SPRING1: variants seen among roughly 807,000 people sequenced by gnomAD.
SPRING1 encodes the protein SREBF pathway regulator in golgi 1, also known as SREBP regulating gene protein.
In SPRING1, 14 loss-of-function variants were observed where a neutral mutation model predicts 24.7. The observed-to-expected ratio is 0.57, with a 90% confidence interval of 0.37 to 0.88. The LOEUF (loss-of-function observed/expected upper bound fraction) is 0.88, where lower values mean the gene tolerates loss of function less well. Among genes scored for constraint, SPRING1 ranks in the 40% least tolerant of loss-of-function variants. The probability of loss-of-function intolerance (pLI) is 0.00; values close to 1 mark genes in which losing one functional copy is unlikely to be tolerated. For synonymous variants in SPRING1, 93 were observed against 106.1 expected (o/e 0.88, Z 0.76); for missense variants, 255 against 268.4 (o/e 0.95, Z 0.35).
chr12:116,733,873 C>T (rs1871111325), intron 1 of SPRING1, among the ~76,000 whole-genome samples: 1 of 151,924 alleles, frequency 6.6e-6, no homozygotes, highest in Non-Finnish European at 1.5e-5. Flanking sequence ...ATGGGCGTAC[C>T]ATTTTTACTC....
rs1253537359 is a variant in SPRING1 at position 116,715,509 on chromosome 12, A to G, written c.*2301T>C. 1 of 152,152 alleles carries G rather than the reference A, an allele frequency of 6.6e-6. No homozygotes were observed. The highest frequency in any genetic ancestry group is 2.4e-5 in the African/African-American group (1 of 41,436). 9.4% of individuals were successfully genotyped at this position (152,152 alleles called of 1,614,324 possible). A position where few individuals can be genotyped will look rare whatever the true frequency, so the allele number is the denominator to read the frequency against. On this transcript the variant is annotated 3_prime_UTR_variant, in exon 5 of 5. Coordinates refer to ENST00000261318, the MANE Select transcript of SPRING1 (RefSeq NM_024738.4). The stretch of plus-strand genomic sequence containing the variant: ...GTGAATTTCCAAAAACAGTGAACAC[A>G]CCCCTAGCTGATTGAAATACAAAAA...
chr12:116,728,557 G>A lies in SPRING1; in HGVS notation c.112-5334C>T, dbSNP rs1054790919. Among the ~76,000 whole-genome samples, 9 of 152,230 alleles carry A rather than the reference G, an allele frequency of 5.9e-5. No individual in the cohort carries two copies. The highest frequency in any genetic ancestry group is 2.2e-4 in the African/African-American group (9 of 41,456). On this transcript the variant is annotated intron_variant, in intron 1 of 4. Transcript: ENST00000261318. The surrounding 1 kb of genome is among the most constrained non-coding windows in gnomAD (Gnocchi z 4.2). ...TAATTAACATGAAAACCAAAGAAAA[G>A]AGGAATTCAAAGCAGCAGAGAGGAT...
At chr12:116,719,970 A>C in intron 3 of SPRING1, 94 bp from the exon 4 acceptor site, 1 of 1,098,706 alleles carries the variant, frequency 9.1e-7, no homozygotes, top group Non-Finnish European at 1.4e-6. Flanking sequence ...ATGCTGATAC[A>C]GGGAAGGGGG....
intron 1 of SPRING1, among the ~76,000 whole-genome samples, chr12:116,727,857 T>C (rs1380703427): frequency 6.6e-6 from 1 of 152,150 alleles, no homozygotes; most frequent in Admixed American, 6.5e-5. Context: ...CCCTGTGCAA[T>C]ACGAGACAAA....
chr12:116,732,584 G>A (rs763657307), intron 1 of SPRING1, among the ~76,000 whole-genome samples: 3 of 152,236 alleles, frequency 2.0e-5, no homozygotes, highest in Admixed American at 6.5e-5. Context: ...GTGCACGCCT[G>A]TAATCCCAGC....
At chr12:116,726,414 C>T (rs1300236760) in intron 1 of SPRING1, among the ~76,000 whole-genome samples, 1 of 152,160 alleles carries the variant, frequency 6.6e-6, no homozygotes. Flanking sequence ...GGATTTTGTT[C>T]TTTAATTTAC....
Position 116,731,683 on chromosome 12 carries a change from G to A in SPRING1, c.111+6107C>T, listed in dbSNP as rs145988733. ...AAGGATCCCTTGAGCCTAGGAATTC[G>A]AGGCTGCAAAGAGCTATGACGGTGC... On this transcript the variant is annotated intron_variant, in intron 1 of 4. Coordinates refer to ENST00000261318, the MANE Select transcript of SPRING1 (RefSeq NM_024738.4). Among the ~76,000 whole-genome samples the A allele has an allele frequency of 2.9e-3, 446 of 152,216 alleles. 1 individual carries two copies. Among genetic ancestry groups the A allele is most frequent in the African/African-American group, 9.4e-3 (390 of 41,538 alleles).
chr12:116,712,183 A>T lies in SPRING1; in HGVS notation c.*5627T>A, dbSNP rs1262954464. 4 of 152,216 alleles carry T rather than the reference A, an allele frequency of 2.6e-5. No homozygotes were observed. The highest frequency in any genetic ancestry group is 9.6e-5 in the African/African-American group (4 of 41,456). The allele number at this position is 152,216 out of a possible 1,614,324, so 9.4% of individuals were successfully genotyped here. On this transcript the variant is annotated 3_prime_UTR_variant, in exon 5 of 5. Coordinates refer to ENST00000261318, the MANE Select transcript of SPRING1 (RefSeq NM_024738.4). ...TTAACTGCTTTGCTCATTGGTTGTAACTGGCAAGTCATTCTCTTTACTACA... is the reference window on the plus strand; with the variant it reads ...TTAACTGCTTTGCTCATTGGTTGTATCTGGCAAGTCATTCTCTTTACTACA...
intron 1 of SPRING1, among the ~76,000 whole-genome samples, chr12:116,724,065 T>C (rs535018781): frequency 2.6e-5 from 4 of 152,198 alleles, no homozygotes; most frequent in Non-Finnish European, 5.9e-5. Context: ...GACGGCCTCT[T>C]CTGAACGCTT....
At chr12:116,724,550 C>T (rs1022138300) in intron 1 of SPRING1, among the ~76,000 whole-genome samples, 7 of 151,972 alleles carry the variant, frequency 4.6e-5, no homozygotes, top group Admixed American at 3.3e-4. Flanking sequence ...AACCCCATCT[C>T]CACTAAAAAT....
rs1870200604 is a variant in SPRING1 at position 116,717,567 on chromosome 12, T to C, written c.*243A>G. On this transcript the variant is annotated 3_prime_UTR_variant, in exon 5 of 5. Coordinates refer to ENST00000261318, the MANE Select transcript of SPRING1 (RefSeq NM_024738.4). This position sits in a 1 kb window ranked among gnomAD's most constrained non-coding sequence, Gnocchi z 4.2. ...ACCACCGTGAGCCCGGCCTCCGGTT[T>C]CATCTTTCCCGAATGGGACTGGCTG... The C allele has an allele frequency of 2.5e-6, 1 of 392,888 alleles. No homozygotes were observed. 24.3% of individuals were successfully genotyped at this position (392,888 alleles called of 1,614,324 possible).
intron 4 of SPRING1, among the ~76,000 whole-genome samples, chr12:116,718,114 C>T (rs1421561730): frequency 6.6e-6 from 1 of 152,204 alleles, no homozygotes; most frequent in African/African-American, 2.4e-5. Flanking sequence ...GACATAACAT[C>T]GCTGTGGGAC....
rs971548802 is a variant in SPRING1 at position 116,727,876 on chromosome 12, A to AATAT, written c.112-4657_112-4654dup. Among the ~76,000 whole-genome samples the AATAT allele has an allele frequency of 2.6e-5, 4 of 152,112 alleles. No homozygotes were observed. In the East Asian group the frequency reaches 7.7e-4, roughly 29 times the overall value. The stretch of plus-strand genomic sequence containing the variant: ...GTGCAATACGAGACAAACATTCTGC[A>AATAT]ATATATATATATCTCTCTCTCTTAA... On this transcript the variant is annotated intron_variant, in intron 1 of 4. Transcript: ENST00000261318.
chr12:116,718,494 A>G (rs1405080224), intron 4 of SPRING1, among the ~76,000 whole-genome samples: 1 of 152,244 alleles, frequency 6.6e-6, no homozygotes, highest in Admixed American at 6.5e-5. Flanking sequence ...CTAGTCTAGA[A>G]TTCATTAATT....
rs1194312681 is a variant in SPRING1 at position 116,723,114 on chromosome 12, T to C, written c.221A>G (p.Gln74Arg). The C allele has an allele frequency of 3.1e-6, 5 of 1,612,792 alleles. No homozygotes were observed. The East Asian group carries it at 1.1e-4, about 36-fold the overall frequency. The stretch of plus-strand genomic sequence containing the variant: ...CTTCCCTTGAATGGAGTTGCGGCAC[T>C]GATTGCTCGGACGACTGCTATTGCC... ...NLGNSSRPSN[Q>R]CRNSIQGKHL... The change falls in exon 2 of 5, where the codon CAG (glutamine) becomes CGG (arginine). Residue 74 changes from glutamine to arginine, a missense_variant. Transcript: ENST00000261318.
intron 1 of SPRING1, among the ~76,000 whole-genome samples, chr12:116,734,403 A>G (rs909732911): frequency 6.6e-6 from 1 of 152,194 alleles, no homozygotes; most frequent in African/African-American, 2.4e-5. Context: ...GCATGACTAT[A>G]ATCTTAAAAT....
chr12:116,719,926 A>G, intron 3 of SPRING1, 50 bp from the exon 4 acceptor site: 1 of 1,503,908 alleles, frequency 6.6e-7, no homozygotes, highest in Non-Finnish European at 9.2e-7. Context: ...AGCCAGCACA[A>G]GGTGACCTTG....
At position 116,738,023 on chromosome 12, in the gene SPRING1, C is replaced by T. The variant is rs111959200; in HGVS notation, c.-123G>A. 118,329 of 1,107,094 alleles carry T rather than the reference C, an allele frequency of 0.11. 6,599 individuals carry two copies. Among genetic ancestry groups the T allele is most frequent in the Middle Eastern group, 0.16 (405 of 2,542 alleles). The allele number at this position is 1,107,094 out of a possible 1,614,324, so 68.6% of individuals were successfully genotyped here. On this transcript the variant is annotated 5_prime_UTR_variant, in exon 1 of 5. Coordinates refer to ENST00000261318, the MANE Select transcript of SPRING1 (RefSeq NM_024738.4). ...CCAGGCAGGCGCCGGCCCCGCCGCC[C>T]GCAGCCCAGTCTGCTCCCGGCAGCC...
rs1326215065 is a variant in SPRING1 at position 116,720,684 on chromosome 12, C to G, written c.269-237G>C. Among the ~76,000 whole-genome samples the G allele has an allele frequency of 6.6e-6, 1 of 152,192 alleles. No individual in the cohort carries two copies. Among genetic ancestry groups the G allele is most frequent in the African/African-American group, 2.4e-5 (1 of 41,440 alleles). On this transcript the variant is annotated intron_variant, in intron 2 of 4. Coordinates refer to ENST00000261318, the MANE Select transcript of SPRING1 (RefSeq NM_024738.4). This position sits in a 1 kb window ranked among gnomAD's most constrained non-coding sequence, Gnocchi z 4.0. Reference sequence around the variant, plus strand: ...CGCCAGGCTACACGTCGGAACCTACCTACACCTACTGTTTAGTCGGCTGGC... The same window carrying G: ...CGCCAGGCTACACGTCGGAACCTACGTACACCTACTGTTTAGTCGGCTGGC...
Sources: allele counts gnomAD v4.1 joint callset (sites outside exome capture counted in the v4.1 genomes callset), GRCh38; gene constraint gnomAD v4.1.1; non-coding constraint Gnocchi (gnomAD v3.1); transcripts MANE v1.5; gene names NCBI Gene and HGNC (gene_info 2026-07-23, HGNC 2026-07-21).